Variants in LRRC40 observed in about 807,000 individuals in gnomAD.
LRRC40 encodes leucine rich repeat containing 40.
Under a neutral mutation model 72.8 loss-of-function variants are expected in LRRC40, and 76 were observed. That is an observed-to-expected ratio of 1.04 (90% CI 0.87 to 1.26). The LOEUF (loss-of-function observed/expected upper bound fraction) is 1.26. Ranked by LOEUF, LRRC40 falls within the 50% of genes most tolerant of loss-of-function variation. The pLI, the probability that LRRC40 is intolerant of heterozygous loss-of-function variation, is 0.00. For missense variants in LRRC40, 684 were observed against 698.9 expected (o/e 0.98, Z 0.24); for synonymous variants, 243 against 254.2 (o/e 0.96, Z 0.42).
rs760922473 is a variant in LRRC40 at position 70,184,800 on chromosome 1, G to A, written c.522C>T (p.Ser174=). The change falls in exon 4 of 15, where the codon TCC becomes TCT. Residue 174 remains serine, a synonymous_variant. Transcript: ENST00000370952. ...CAGAACTTACTAAATCTTCTAAATT[G>A]GAAAGTTGTTCAAATCCCTCTGATA... The part of the protein sequence containing the change: ...TCISEGFEQL[S]NLEDLDLSNN... 28 of 1,603,224 alleles carry A rather than the reference G, an allele frequency of 1.7e-5. No individual in the cohort carries two copies. Among genetic ancestry groups the A allele is most frequent in the Non-Finnish European group, 2.3e-5 (27 of 1,176,844 alleles).
chr1:70,169,183 C>G (rs1667950380), intron 9 of LRRC40, among the ~76,000 whole-genome samples: 1 of 152,092 alleles, frequency 6.6e-6, no homozygotes, highest in Non-Finnish European at 1.5e-5. Flanking sequence ...TGTACACAGC[C>G]CCAGCAGCAA....
At chr1:70,199,861 A>T (rs1258434006) in intron 1 of LRRC40, among the ~76,000 whole-genome samples, 1 of 152,130 alleles carries the variant, frequency 6.6e-6, no homozygotes, top group Admixed American at 6.6e-5. Flanking sequence ...TTAAGGGTCA[A>T]CTGTATACCT....
At chr1:70,185,511 T>C (rs1404011584) in intron 3 of LRRC40, among the ~76,000 whole-genome samples, 1 of 152,144 alleles carries the variant, frequency 6.6e-6, no homozygotes, top group Non-Finnish European at 1.5e-5. Flanking sequence ...TTCTGAGGCA[T>C]CCCCAGCCAT....
At chr1:70,158,099 C>CAAAAAAAAAAAAAA (rs35925333) in intron 10 of LRRC40, among the ~76,000 whole-genome samples, 1 of 19,198 alleles carries the variant, frequency 5.2e-5, no homozygotes, top group African/African-American at 2.3e-4. Context: ...GACCCTGCCT[C>CAAAAAAAAAAAAAA]AAAAAAAAAA....
At chr1:70,152,410 C>G (rs1176838588) in intron 12 of LRRC40, 23 bp downstream of exon 12, 3 of 1,168,080 alleles carry the variant, frequency 2.6e-6, no homozygotes, top group East Asian at 4.7e-5. Flanking sequence ...TTTAAAAAGT[C>G]AAGCAATAGT....
At chr1:70,174,510 A>C (rs1668061776) in intron 7 of LRRC40, among the ~76,000 whole-genome samples, 1 of 152,088 alleles carries the variant, frequency 6.6e-6, no homozygotes, top group Non-Finnish European at 1.5e-5. Context: ...AATAGCAAAA[A>C]ATCAAAAACA....
At chr1:70,175,521 C>A (rs571329115) in intron 7 of LRRC40, among the ~76,000 whole-genome samples, 2 of 151,910 alleles carry the variant, frequency 1.3e-5, no homozygotes, top group South Asian at 2.1e-4. Context: ...GAATTTAGTT[C>A]TAGGGGGTAA....
chr1:70,183,312 T>C (rs1668286424), intron 4 of LRRC40, among the ~76,000 whole-genome samples: 2 of 151,784 alleles, frequency 1.3e-5, no homozygotes, highest in South Asian at 4.2e-4. Flanking sequence ...CTATGTGGAG[T>C]AGATATTATA....
At chr1:70,190,219 C>T (rs940398464) in intron 1 of LRRC40, among the ~76,000 whole-genome samples, 1 of 152,044 alleles carries the variant, frequency 6.6e-6, no homozygotes, top group African/African-American at 2.4e-5. Context: ...TTGGTTATAC[C>T]TTGCTGCCAC....
intron 1 of LRRC40, among the ~76,000 whole-genome samples, chr1:70,197,458 T>C (rs1668640038): frequency 1.3e-5 from 2 of 151,992 alleles, no homozygotes; most frequent in South Asian, 2.1e-4. Context: ...AGCTTATTTT[T>C]TGTAGAGACA....
chr1:70,158,820 C>G (rs1238212329), intron 10 of LRRC40, among the ~76,000 whole-genome samples: 2 of 152,040 alleles, frequency 1.3e-5, no homozygotes, highest in African/African-American at 4.8e-5. Context: ...ATGAAATTCT[C>G]TTTGGATGCT....
chr1:70,156,781 G>A (rs548105387), intron 10 of LRRC40, among the ~76,000 whole-genome samples: 1 of 152,258 alleles, frequency 6.6e-6, no homozygotes, highest in Admixed American at 6.5e-5. Context: ...GTCACAGAGG[G>A]CAGGTCAGAG....
intron 6 of LRRC40, 90 bp from the exon 7 acceptor site, chr1:70,176,072 G>A: frequency 1.4e-6 from 1 of 707,368 alleles, no homozygotes; most frequent in Non-Finnish European, 2.1e-6. Context: ...TTAATTTCAA[G>A]TGATTGAAAA....
Position 70,145,422 on chromosome 1 carries a change from C to T in LRRC40, c.*378G>A, listed in dbSNP as rs1486733788. On this transcript the variant is annotated 3_prime_UTR_variant, in exon 15 of 15. Coordinates refer to ENST00000370952, the MANE Select transcript of LRRC40 (RefSeq NM_017768.5). ...TAAATGAGAAAAAAAACCAGTTCTA[C>T]AAAAATGCTTTGTTATTATAATACT... 6.5e-6 allele frequency: 1 copy of T among 153,260 alleles called. No individual in the cohort carries two copies. The highest frequency in any genetic ancestry group is 1.5e-5 in the Non-Finnish European group (1 of 68,854). The allele number at this position is 153,260 out of a possible 1,614,324, so 9.5% of individuals were successfully genotyped here. A position where few individuals can be genotyped will look rare whatever the true frequency, so the allele number is the denominator to read the frequency against.
chr1:70,148,341 G>A, intron 14 of LRRC40, 146 bp downstream of exon 14: 2 of 655,560 alleles, frequency 3.1e-6, no homozygotes, highest in Non-Finnish European at 5.1e-6. Context: ...ACAGAATTGG[G>A]ACTCTGGGTT....
At chr1:70,149,413 A>AGT in intron 13 of LRRC40, among the ~76,000 whole-genome samples, 1 of 152,344 alleles carries the variant, frequency 6.6e-6, no homozygotes, top group Non-Finnish European at 1.5e-5. Context: ...AACTCAAGGC[A>AGT]GTGCTGAAGT....
intron 1 of LRRC40, among the ~76,000 whole-genome samples, chr1:70,199,213 T>TCACACACACA (rs1301228532): frequency 1.2e-4 from 10 of 81,910 alleles, no homozygotes; most frequent in African/African-American, 8.5e-4. Flanking sequence ...TTATACATAG[T>TCACACACACA]CTCACACACA....
intron 2 of LRRC40, among the ~76,000 whole-genome samples, chr1:70,187,581 T>A (rs1668389081): frequency 6.6e-6 from 1 of 151,844 alleles, no homozygotes; most frequent in Non-Finnish European, 1.5e-5. Context: ...TCCCAGCACT[T>A]TGGGAGGCCG....
At chr1:70,205,260 GATT>G (rs1471499345) in intron 1 of LRRC40, 127 bp downstream of exon 1, 1 of 879,210 alleles carries the variant, frequency 1.1e-6, no homozygotes, top group Non-Finnish European at 1.7e-6. Context: ...ACAGGGATTA[GATT>G]AGAGCACAGA....
Sources: allele counts gnomAD v4.1 joint callset (sites outside exome capture counted in the v4.1 genomes callset), GRCh38; gene constraint gnomAD v4.1.1; transcripts MANE v1.5; gene names NCBI Gene and HGNC (gene_info 2026-07-23, HGNC 2026-07-21).